Variants in ABCB4 observed in about 807,000 individuals in gnomAD.
ABCB4 encodes the protein ATP binding cassette subfamily B member 4, also known as phosphatidylcholine translocator ABCB4.
Under a neutral mutation model 145.7 loss-of-function variants are expected in ABCB4, and 76 were observed. The observed-to-expected ratio is 0.52, with a 90% CI of 0.43 to 0.63. The LOEUF (loss-of-function observed/expected upper bound fraction) is 0.63. Ranked by LOEUF, ABCB4 falls within the 30% of genes least tolerant of loss-of-function variation. The pLI is 0.00. For missense variants in ABCB4, 1,234 were observed against 1,553.1 expected (o/e 0.79, Z 3.45); for synonymous variants, 517 against 566.8 (o/e 0.91, Z 1.25).
the ABCB4 span, among the ~76,000 whole-genome samples, chr7:87,379,627 C>T: frequency 1.3e-5 from 2 of 152,242 alleles, no homozygotes; most frequent in African/African-American, 4.8e-5. Context: ...GCATATCTCT[C>T]AGCATAACTG....
chr7:87,409,440 C>T (rs1315330871), intron 23 of ABCB4, 48 bp from the exon 24 acceptor site: 1 of 1,594,220 alleles, frequency 6.3e-7, no homozygotes, highest in Admixed American at 1.7e-5. Context: ...TAATTAACTC[C>T]ATGATGTTTG....
intron 22 of ABCB4, 133 bp downstream of exon 22, chr7:87,413,484 G>T (rs1375054056): frequency 1.6e-5 from 11 of 668,708 alleles, no homozygotes; most frequent in Middle Eastern, 4.0e-4. Context: ...TTCAGTGACA[G>T]AATTGTTGAA....
the ABCB4 span, chr7:87,377,497 T>C: frequency 1.8e-6 from 2 of 1,083,004 alleles, no homozygotes; most frequent in Non-Finnish European, 2.8e-6. Flanking sequence ...TTAGGTTAAA[T>C]TAATGACAAT....
intron 4 of ABCB4, among the ~76,000 whole-genome samples, chr7:87,459,219 T>C (rs1446288973): frequency 6.6e-6 from 1 of 152,182 alleles, no homozygotes; most frequent in Non-Finnish European, 1.5e-5. Flanking sequence ...GTTAAGTATA[T>C]TCACACTGTT....
In ABCB4 at chr7:87,407,944, G is replaced by C. The variant is rs1808322415; in HGVS notation, c.3279+93C>G. 65 of 1,516,074 alleles carry C rather than the reference G, an allele frequency of 4.3e-5. No individual in the cohort carries two copies. The South Asian group carries it at 7.0e-4, about 16-fold the overall frequency. 93.9% of individuals were successfully genotyped at this position (1,516,074 alleles called of 1,614,324 possible). A position where few individuals can be genotyped will look rare whatever the true frequency, so the allele number is the denominator to read the frequency against. On this transcript the variant is annotated intron_variant, in intron 25 of 27. Transcript: ENST00000649586. ...GGTCATTGTATCAAACAGGATTCTA[G>C]GTCTACATTTGTCCAATATTTTCCA...
chr7:87,404,506 T>G (rs542166020), intron 26 of ABCB4, among the ~76,000 whole-genome samples: 139 of 152,276 alleles, frequency 9.1e-4, no homozygotes, highest in Admixed American at 3.8e-3. Context: ...AAAGGAAGAA[T>G]TGGTAAATTG....
chr7:87,429,169 C>T (rs1208389666), intron 15 of ABCB4, among the ~76,000 whole-genome samples: 2 of 152,140 alleles, frequency 1.3e-5, no homozygotes, highest in Non-Finnish European at 2.9e-5. Flanking sequence ...ATCTCTCCAG[C>T]CTCACCAAGT....
downstream of ABCB4, among the ~76,000 whole-genome samples, chr7:87,397,970 T>C (rs545047768): frequency 2.6e-5 from 4 of 152,292 alleles, no homozygotes; most frequent in African/African-American, 7.2e-5. Context: ...CAGGGCCACT[T>C]TTCTCACTTG....
chr7:87,473,109 T>G (rs1330882719), intron 2 of ABCB4, among the ~76,000 whole-genome samples: 1 of 152,228 alleles, frequency 6.6e-6, no homozygotes. Context: ...CCAGTTTCAT[T>G]GCTGTCACCA....
intron 17 of ABCB4, among the ~76,000 whole-genome samples, chr7:87,422,914 C>A (rs182600559): frequency 2.6e-5 from 4 of 152,312 alleles, no homozygotes; most frequent in Admixed American, 2.6e-4. Flanking sequence ...TATTTGTGTA[C>A]CACTGTATCT....
intron 10 of ABCB4, 25 bp from the exon 11 acceptor site, chr7:87,443,798 T>G (rs1207983014): frequency 2.0e-6 from 3 of 1,533,826 alleles, no homozygotes; most frequent in African/African-American, 2.7e-5. Flanking sequence ...ATGTAATGAC[T>G]ATTCCATCAT....
At chr7:87,457,303 A>G (rs1190154299) in intron 4 of ABCB4, among the ~76,000 whole-genome samples, 2 of 152,102 alleles carry the variant, frequency 1.3e-5, no homozygotes, top group Non-Finnish European at 2.9e-5. Context: ...CCAGCTACAC[A>G]GGAGACTGAA....
At chr7:87,459,631 C>T (rs565674068) in intron 4 of ABCB4, among the ~76,000 whole-genome samples, 2 of 151,474 alleles carry the variant, frequency 1.3e-5, no homozygotes, top group Non-Finnish European at 2.9e-5. Flanking sequence ...AAGGTGTATA[C>T]GTCAACAGTT....
At chr7:87,406,711 T>C (rs1464585354) in intron 25 of ABCB4, among the ~76,000 whole-genome samples, 1 of 152,176 alleles carries the variant, frequency 6.6e-6, no homozygotes, top group Non-Finnish European at 1.5e-5. Context: ...GGCAAAATGG[T>C]AGCACATTTG....
chr7:87,398,675 A>G, downstream of ABCB4: 1 of 1,603,240 alleles, frequency 6.2e-7, no homozygotes, highest in Non-Finnish European at 8.5e-7. Context: ...ACTTACCAAA[A>G]CATATCATTA....
At chr7:87,375,018 C>T in the ABCB4 span, among the ~76,000 whole-genome samples, 1 of 151,944 alleles carries the variant, frequency 6.6e-6, no homozygotes, top group East Asian at 1.9e-4. Context: ...TTTAAAGATA[C>T]ATGAAATTCA....
chr7:87,379,106 A>G, the ABCB4 span, among the ~76,000 whole-genome samples: 2 of 152,062 alleles, frequency 1.3e-5, no homozygotes, highest in African/African-American at 4.8e-5. Flanking sequence ...ATTCCTTGCA[A>G]ACTACCCTTT....
intron 3 of ABCB4, among the ~76,000 whole-genome samples, chr7:87,470,791 A>G (rs1035989814): frequency 2.0e-5 from 3 of 152,228 alleles, no homozygotes; most frequent in African/African-American, 4.8e-5. Context: ...TAGTTCAACC[A>G]TTGTGGAAGA....
rs138512613 is a variant in ABCB4 at position 87,446,209 on chromosome 7, A to C, written c.1005+825T>G. On this transcript the variant is annotated intron_variant, in intron 9 of 27. Transcript: ENST00000649586. The stretch of plus-strand genomic sequence containing the variant: ...AATATTCACTTTCATAATGACCCCA[A>C]GTCATCATCAAAGGGCCAAATTATG... 3.3e-3 allele frequency among the ~76,000 whole-genome samples: 501 copies of C among 152,314 alleles called. 2 individuals carry two copies. The highest frequency in any genetic ancestry group is 0.011 in the African/African-American group (469 of 41,560).
Sources: gnomAD v4.1 joint callset for allele counts (sites outside exome capture counted in the v4.1 genomes callset) on GRCh38, gnomAD v4.1.1 for gene constraint, MANE v1.5 for transcripts, NCBI Gene and HGNC (gene_info 2026-07-23, HGNC 2026-07-21) for gene names.